The following MAP7 variants were observed in gnomAD, a reference collection of about 807,000 sequenced individuals.
The protein encoded by MAP7 is microtubule associated protein 7.
Under a neutral mutation model 94.8 loss-of-function variants are expected in MAP7, and 52 were observed. The ratio of observed to expected loss-of-function variants is 0.55; its 90% confidence interval spans 0.44 to 0.69. MAP7 has a LOEUF of 0.69. MAP7 is among the 30% of genes least tolerant of loss of function. The pLI is 0.00. For synonymous variants in MAP7, 350 were observed against 357.0 expected (o/e 0.98, Z 0.22); for missense variants, 940 against 964.6 (o/e 0.97, Z 0.34).
intron 1 of MAP7, among the ~76,000 whole-genome samples, chr6:136,534,937 A>T (rs1238238165): frequency 6.6e-6 from 1 of 152,200 alleles, no homozygotes; most frequent in Non-Finnish European, 1.5e-5. Context: ...ATAGATCCGT[A>T]CATGGGGATG....
chr6:136,349,656 G>A (rs529079669), intron 16 of MAP7, among the ~76,000 whole-genome samples: 85 of 152,288 alleles, frequency 5.6e-4, no homozygotes, highest in Non-Finnish European at 8.7e-4. Flanking sequence ...ACAGGCGTGA[G>A]CCACCACACT....
chr6:136,425,762 C>T (rs901303734), intron 1 of MAP7, among the ~76,000 whole-genome samples: 2 of 152,110 alleles, frequency 1.3e-5, no homozygotes, highest in Non-Finnish European at 2.9e-5. Flanking sequence ...GAGAATTTCT[C>T]CTTAGTTTAA....
At chr6:136,501,338 C>T (rs1374832353) in intron 1 of MAP7, among the ~76,000 whole-genome samples, 3 of 152,164 alleles carry the variant, frequency 2.0e-5, no homozygotes, top group Admixed American at 6.5e-5. Flanking sequence ...CAGGAGGTGG[C>T]CTGGAGTCAG....
At chr6:136,428,468 C>T (rs943871771) in intron 1 of MAP7, among the ~76,000 whole-genome samples, 3 of 151,964 alleles carry the variant, frequency 2.0e-5, no homozygotes, top group African/African-American at 4.8e-5. Flanking sequence ...TGCAGTGATC[C>T]GAGATCCCGC....
intron 1 of MAP7, among the ~76,000 whole-genome samples, chr6:136,460,169 A>G (rs1445974160): frequency 6.6e-6 from 1 of 152,198 alleles, no homozygotes; most frequent in South Asian, 2.1e-4. Context: ...GTAATAGTCA[A>G]TGGGGGACTA....
chr6:136,415,733 A>C (rs1789185076), intron 2 of MAP7, among the ~76,000 whole-genome samples: 1 of 152,244 alleles, frequency 6.6e-6, no homozygotes, highest in African/African-American at 2.4e-5. Flanking sequence ...TAATATGTAA[A>C]AAACCAAACT....
intron 3 of MAP7, among the ~76,000 whole-genome samples, chr6:136,406,866 T>C (rs1393114746): frequency 6.6e-6 from 1 of 152,012 alleles, no homozygotes; most frequent in Non-Finnish European, 1.5e-5. Flanking sequence ...AAAAGGGTAA[T>C]AGGGCAGAAA....
chr6:136,374,849 T>G (rs1775603410), intron 7 of MAP7, among the ~76,000 whole-genome samples: 1 of 152,202 alleles, frequency 6.6e-6, no homozygotes, highest in Non-Finnish European at 1.5e-5. Flanking sequence ...CTGCACTGAA[T>G]AGCAAGTACT....
chr6:136,414,040 G>A (rs111613897), intron 2 of MAP7, among the ~76,000 whole-genome samples: 1 of 151,750 alleles, frequency 6.6e-6, no homozygotes, highest in Non-Finnish European at 1.5e-5. Flanking sequence ...ACGAGGTCAG[G>A]AGATCGAGAC....
rs781630745 is a variant in MAP7, at chr6:136,360,680, T to C, written c.1803+17A>G. 1.5e-5 allele frequency: 24 copies of C among 1,612,242 alleles called. No individual in the cohort carries two copies. The Admixed American group carries it at 1.5e-4, about 10-fold the overall frequency. On this transcript the variant is annotated intron_variant, in intron 13 of 17. Transcript: ENST00000354570. ...TGCAAGTTCGCGTCCCGGGCCTCTC[T>C]ACTAAGACGCAGCTACCTTCTTTCT...
chr6:136,473,532 T>A (rs1246556774), intron 1 of MAP7, among the ~76,000 whole-genome samples: 2 of 152,246 alleles, frequency 1.3e-5, no homozygotes, highest in East Asian at 3.8e-4. Flanking sequence ...CTGTTTGACA[T>A]CTGACATCTT....
intron 2 of MAP7, among the ~76,000 whole-genome samples, chr6:136,417,224 G>A (rs917835470): frequency 6.6e-6 from 1 of 152,168 alleles, no homozygotes; most frequent in Admixed American, 6.5e-5. Flanking sequence ...GGTTTAAGAG[G>A]AATAGAACTT....
At chr6:136,483,766 T>A (rs1201413600) in intron 1 of MAP7, among the ~76,000 whole-genome samples, 2 of 152,174 alleles carry the variant, frequency 1.3e-5, no homozygotes, top group African/African-American at 2.4e-5. Flanking sequence ...CCTACTCCCT[T>A]CTCCATTTCT....
At chr6:136,536,106 G>A (rs184827774) in intron 1 of MAP7, among the ~76,000 whole-genome samples, 35 of 152,150 alleles carry the variant, frequency 2.3e-4, no homozygotes, top group South Asian at 4.1e-4. Flanking sequence ...ATAGTATTCC[G>A]TGGTGTATAT....
chr6:136,459,085 A>G (rs1006850303), intron 1 of MAP7, among the ~76,000 whole-genome samples: 1 of 152,180 alleles, frequency 6.6e-6, no homozygotes, highest in Non-Finnish European at 1.5e-5. Context: ...AGAAATGGGC[A>G]AAGGAACTGA....
chr6:136,515,234 G>GT (rs1824464035), intron 1 of MAP7, among the ~76,000 whole-genome samples: 1 of 152,208 alleles, frequency 6.6e-6, no homozygotes, highest in African/African-American at 2.4e-5. Flanking sequence ...ATTGAAGAGA[G>GT]TTAGGGTCCT....
chr6:136,420,288 G>A (rs1412070556), intron 2 of MAP7: 1 of 842,088 alleles, frequency 1.2e-6, no homozygotes, highest in African/African-American at 1.6e-5. Flanking sequence ...CATGCTTCCA[G>A]AGGGACCTTG....
intron 1 of MAP7, among the ~76,000 whole-genome samples, chr6:136,485,723 C>T (rs1016007911): frequency 2.0e-5 from 3 of 151,498 alleles, no homozygotes; most frequent in Non-Finnish European, 4.4e-5. Context: ...CCACTACGCC[C>T]GGCTAATTTT....
chr6:136,510,711 A>T (rs548455386), intron 1 of MAP7, among the ~76,000 whole-genome samples: 5 of 152,238 alleles, frequency 3.3e-5, no homozygotes, highest in Admixed American at 1.3e-4. Flanking sequence ...TATAACTTTT[A>T]TTATGGTATA....
Sources: gnomAD v4.1 joint callset for allele counts (sites outside exome capture counted in the v4.1 genomes callset) on GRCh38, gnomAD v4.1.1 for gene constraint, MANE v1.5 for transcripts, NCBI Gene and HGNC (gene_info 2026-07-23, HGNC 2026-07-21) for gene names.